The following MYO10 variants were observed in gnomAD, a reference collection of about 807,000 sequenced individuals.
The protein encoded by MYO10 is unconventional myosin-X.
MYO10 carries 133 observed loss-of-function variants against 257.3 expected under a neutral mutation model. That is an observed-to-expected ratio of 0.52 (90% confidence interval 0.45 to 0.60). The LOEUF is 0.60. Ranked by LOEUF, MYO10 falls within the 20% of genes least tolerant of loss-of-function variation. The pLI is 0.00. For missense variants in MYO10, 2,399 were observed against 2,635.7 expected (o/e 0.91, Z 1.97); for synonymous variants, 1,104 against 1,028.6 (o/e 1.07, Z -1.40).
intron 27 of MYO10, 64 bp downstream of exon 27, chr5:16,694,307 C>T (rs1737634010): frequency 6.2e-7 from 1 of 1,603,680 alleles, no homozygotes; most frequent in African/African-American, 1.3e-5. Flanking sequence ...CACAGCATGG[C>T]TCTATGACCA....
chr5:16,891,371 GGAAGGAAGGAGA>G (rs761518654), intron 1 of MYO10, among the ~76,000 whole-genome samples: 1,594 of 122,216 alleles, frequency 0.013, 27 homozygotes, highest in Middle Eastern at 0.056. Context: ...AAGGAAGGAA[GGAAGGAAGGAGA>G]GAGAGAGGAA....
intron 19 of MYO10, among the ~76,000 whole-genome samples, chr5:16,731,136 C>T (rs950647949): frequency 3.3e-5 from 5 of 151,812 alleles, no homozygotes; most frequent in African/African-American, 7.3e-5. Flanking sequence ...ACCTCCACCC[C>T]CTGGGTTCAA....
chr5:16,837,180 G>T lies in MYO10; in HGVS notation c.121-19013C>A, dbSNP rs571167069. 7.2e-5 allele frequency among the ~76,000 whole-genome samples: 11 copies of T among 152,158 alleles called. No individual in the cohort carries two copies. The South Asian group carries it at 1.2e-3, about 17-fold the overall frequency. ...ACAAAATTAGCAGGGCGTGGTGGCA[G>T]AGGCCTGTAATCCCAGCTACTTGGG... On this transcript the variant is annotated intron_variant, in intron 2 of 40. Coordinates refer to ENST00000513610, the MANE Select transcript of MYO10 (RefSeq NM_012334.3).
At chr5:16,699,685 G>T in intron 25 of MYO10, 112 bp from the exon 26 acceptor site, 1 of 1,423,296 alleles carries the variant, frequency 7.0e-7, no homozygotes, top group Non-Finnish European at 9.6e-7. Flanking sequence ...TACTCAAGAG[G>T]CTGAGGCAGC....
chr5:16,802,737 T>C (rs1742157710), intron 3 of MYO10, among the ~76,000 whole-genome samples: 1 of 151,752 alleles, frequency 6.6e-6, no homozygotes, highest in Admixed American at 6.6e-5. Flanking sequence ...TAGAATACAT[T>C]AATCTCTAAG....
At position 16,664,009 on chromosome 5, in the gene MYO10, G is replaced by A. The variant is rs543995949; in HGVS notation, c.*2683C>T. ...ACACCAATGAGTGCATGTAAAAGCA[G>A]TAAAATTGGAATAGGTTCTGTGGCT... On this transcript the variant is annotated 3_prime_UTR_variant, in exon 41 of 41. Coordinates refer to ENST00000513610, the MANE Select transcript of MYO10 (RefSeq NM_012334.3). The A allele has an allele frequency of 1.3e-5, 2 of 152,206 alleles. No homozygotes were observed. The highest frequency in any genetic ancestry group is 1.9e-4 in the East Asian group (1 of 5,156). The allele number at this position is 152,206 out of a possible 1,614,324, so 9.4% of individuals were successfully genotyped here.
At position 16,676,074 on chromosome 5, in the gene MYO10, G is replaced by A; in HGVS notation, c.4623C>T (p.His1541=). The A allele has an allele frequency of 1.9e-6, 3 of 1,613,362 alleles. No homozygotes were observed. Among genetic ancestry groups the A allele is most frequent in the Non-Finnish European group, 2.5e-6 (3 of 1,179,654 alleles). ...PILRYTHHPL[H]SPLLPLPYGD... The stretch of plus-strand genomic sequence containing the variant: ...CATACGGAAGGGGCAGGAGCGGGGA[G>A]TGCAAGGGGTGATGGGTGTATCGAA... Residue 1541 remains histidine, a synonymous_variant, in exon 34 of 41, where the codon CAC becomes CAT. Coordinates refer to ENST00000513610, the MANE Select transcript of MYO10 (RefSeq NM_012334.3).
At chr5:16,844,420 T>C (rs1259271591) in intron 2 of MYO10, among the ~76,000 whole-genome samples, 1 of 150,420 alleles carries the variant, frequency 6.6e-6, no homozygotes, top group East Asian at 1.9e-4. Flanking sequence ...TTTCATTTTT[T>C]TTTTAGTGTC....
chr5:16,699,654 GA>G (rs1452490551), intron 25 of MYO10, 81 bp from the exon 26 acceptor site: 3 of 1,579,080 alleles, frequency 1.9e-6, no homozygotes, highest in Admixed American at 1.7e-5. Context: ...TATCATCATT[GA>G]AAAAATACAA....
rs376130850 is a variant in MYO10, at chr5:16,679,394, A to C, written c.4542+553T>G. Among the ~76,000 whole-genome samples the C allele has an allele frequency of 3.9e-5, 6 of 152,200 alleles. No homozygotes were observed. In the East Asian group the frequency reaches 9.6e-4, roughly 24 times the overall value. On this transcript the variant is annotated intron_variant, in intron 33 of 40. Coordinates refer to ENST00000513610, the MANE Select transcript of MYO10 (RefSeq NM_012334.3). ...CTGCCCACAGAACCCAACAGGTGGG[A>C]TCGGGTGACTCAGCGAAAATGTCTA...
At chr5:16,731,983 G>A (rs747358337) in intron 19 of MYO10, among the ~76,000 whole-genome samples, 3 of 152,150 alleles carry the variant, frequency 2.0e-5, no homozygotes, top group Non-Finnish European at 4.4e-5. Context: ...AAATTCTGAA[G>A]GGGGTTCATG....
intron 2 of MYO10, among the ~76,000 whole-genome samples, chr5:16,843,532 C>A (rs985273410): frequency 3.9e-5 from 6 of 152,142 alleles, no homozygotes; most frequent in Admixed American, 1.3e-4. Flanking sequence ...AGTCTAGCAT[C>A]CAAGTGTTGG....
At chr5:16,917,970 C>CTAGCCACTT (rs1445166708) in intron 1 of MYO10, among the ~76,000 whole-genome samples, 1 of 152,168 alleles carries the variant, frequency 6.6e-6, no homozygotes, top group Non-Finnish European at 1.5e-5. Context: ...TCTAACCATG[C>CTAGCCACTT]TAGCCACTTT....
intron 1 of MYO10, chr5:16,902,680 T>C (rs1561050123): frequency 1.9e-6 from 2 of 1,057,290 alleles, no homozygotes; most frequent in African/African-American, 1.6e-5. Flanking sequence ...GGCTAATTTT[T>C]TGTATTTTTA....
At chr5:16,892,762 T>C (rs558435379) in intron 1 of MYO10, among the ~76,000 whole-genome samples, 5 of 152,298 alleles carry the variant, frequency 3.3e-5, no homozygotes, top group African/African-American at 9.6e-5. Context: ...TCAGCCCTCA[T>C]ATTGCTTTAA....
chr5:16,722,375 TAC>T (rs1244813546), intron 19 of MYO10, among the ~76,000 whole-genome samples: 2 of 152,250 alleles, frequency 1.3e-5, no homozygotes, highest in African/African-American at 2.4e-5. Flanking sequence ...ACGTATCAGA[TAC>T]ACTCTCACTT....
Position 16,789,622 on chromosome 5 carries a change from G to A in MYO10, c.467+5024C>T, listed in dbSNP as rs867704382. 3.2e-4 allele frequency among the ~76,000 whole-genome samples: 48 copies of A among 152,130 alleles called. 1 individual carries two copies. The highest frequency in any genetic ancestry group is 6.8e-3 in the Middle Eastern group (2 of 294). On this transcript the variant is annotated intron_variant, in intron 4 of 40. Coordinates refer to ENST00000513610, the MANE Select transcript of MYO10 (RefSeq NM_012334.3). Reference sequence around the variant, plus strand: ...GACCAACATGGTGAAACCTCATATCGTAAAAATACGATAAAAAAAAGTTAG... The same window carrying A: ...GACCAACATGGTGAAACCTCATATCATAAAAATACGATAAAAAAAAGTTAG...
rs747496868 is a variant in MYO10, at chr5:16,781,763, CT to C, written c.668del (p.Lys223SerfsTer5). ...VYNNNSSRFGKFVQLNICQKG... is the reference protein window; with the variant it reads ...VYNNNSSRFGXFVQLNICQKG... ...TCTGACAGATGTTCAGCTGAACAAA[CT>C]TCCCAAAGCGACTAGAGTTGTTGTT... is the stretch of plus-strand genomic sequence containing the variant. On this transcript the variant is annotated frameshift_variant, in exon 6 of 41. Transcript: ENST00000513610. LOFTEE classifies it high-confidence loss of function. 1.9e-6 allele frequency: 3 copies of C among 1,613,876 alleles called. No homozygotes were observed.
intron 2 of MYO10, among the ~76,000 whole-genome samples, chr5:16,819,960 T>A (rs1742748567): frequency 6.6e-6 from 1 of 152,140 alleles, no homozygotes; most frequent in African/African-American, 2.4e-5. Context: ...AAAGCCACTG[T>A]CCCCAGCTGC....
Sources: gnomAD v4.1 joint callset for allele counts (sites outside exome capture counted in the v4.1 genomes callset) on GRCh38, gnomAD v4.1.1 for gene constraint, MANE v1.5 for transcripts, NCBI Gene and HGNC (gene_info 2026-07-23, HGNC 2026-07-21) for gene names.